Variants in SBF2 observed in about 807,000 individuals in gnomAD.
SBF2 encodes the protein myotubularin-related protein 13.
Under a neutral mutation model 225.2 loss-of-function variants are expected in SBF2, and 112 were observed. The ratio of observed to expected loss-of-function variants is 0.50; its 90% confidence interval spans 0.43 to 0.58. The LOEUF is 0.58. Ranked by LOEUF, SBF2 falls within the 20% of genes least tolerant of loss-of-function variation. SBF2 has a pLI of 0.00. For synonymous variants in SBF2, 763 were observed against 773.3 expected, an observed-to-expected ratio of 0.99 and a Z score of 0.22; for missense variants, 1,996 against 2,206.2, an observed-to-expected ratio of 0.90 and a Z score of 1.91.
rs1459465514 is a variant in SBF2 at position 9,842,673 on chromosome 11, C to T, written c.3208G>A (p.Glu1070Lys). The part of the protein sequence containing the change: ...LLKKKTGTIV[E>K]ERVNRPGWNE... The stretch of plus-strand genomic sequence containing the variant: ...CATCCAGGACGATTTACTCTTTCTT[C>T]CACAATTGTCCCTGTCTTCTTCTTC... Residue 1070 changes from glutamate to lysine, a missense_variant, in exon 25 of 40, where the codon GAA (glutamate) becomes AAA (lysine). Physicochemically the swap from Glu to Lys is moderately conservative, Grantham distance 56. Transcript: ENST00000256190. The T allele has an allele frequency of 6.2e-7, 1 of 1,614,100 alleles. No homozygotes were observed. The highest frequency in any genetic ancestry group is 1.7e-5 in the Admixed American group (1 of 60,028).
chr11:9,981,964 G>A (rs1260130616), intron 13 of SBF2, among the ~76,000 whole-genome samples: 1 of 152,166 alleles, frequency 6.6e-6, no homozygotes, highest in Non-Finnish European at 1.5e-5. Context: ...CTTCACAGCA[G>A]AAGAAATAAG....
intron 2 of SBF2, among the ~76,000 whole-genome samples, chr11:10,060,964 C>T (rs568336910): frequency 2.3e-4 from 35 of 152,152 alleles, no homozygotes; most frequent in African/African-American, 7.7e-4. Flanking sequence ...GAAGGTGGAG[C>T]TTGCAGTAGG....
intron 1 of SBF2, among the ~76,000 whole-genome samples, chr11:10,199,220 G>A (rs1215258230): frequency 6.6e-6 from 1 of 152,172 alleles, no homozygotes; most frequent in Non-Finnish European, 1.5e-5. Context: ...GGCCTGAGGA[G>A]AGGGAGAGAG....
intron 17 of SBF2, among the ~76,000 whole-genome samples, chr11:9,882,722 A>T (rs754107443): frequency 7.1e-6 from 1 of 141,666 alleles, no homozygotes; most frequent in Non-Finnish European, 1.5e-5. Flanking sequence ...CAGGAGAATC[A>T]CTTGTACCCA....
intron 2 of SBF2, among the ~76,000 whole-genome samples, chr11:10,143,701 T>C (rs1319160881): frequency 6.6e-6 from 1 of 152,000 alleles, no homozygotes; most frequent in Non-Finnish European, 1.5e-5. Flanking sequence ...TTTTTAGATA[T>C]TAACAACTGG....
Position 9,968,419 on chromosome 11 carries a change from T to C in SBF2, c.1522A>G (p.Asn508Asp), listed in dbSNP as rs1405170604. The C allele has an allele frequency of 6.2e-7, 1 of 1,614,156 alleles. No individual in the cohort carries two copies. The highest frequency in any genetic ancestry group is 1.1e-5 in the South Asian group (1 of 91,078). Residue 508 changes from asparagine (N) to aspartate (D), a missense_variant, in exon 14 of 40, where the codon AAT (asparagine) becomes GAT (aspartate). Coordinates refer to ENST00000256190, the MANE Select transcript of SBF2 (RefSeq NM_030962.4). ...GGTGCATTCTGGTTCTTAGCAACATTTTCCTGTATTAATTCCTGAACCCGG... is the reference window on the plus strand; with the variant it reads ...GGTGCATTCTGGTTCTTAGCAACATCTTCCTGTATTAATTCCTGAACCCGG... ...EARVQELIQE[N>D]VAKNQNAPPA...
At chr11:10,234,733 TA>T (rs1274116611) in intron 1 of SBF2, among the ~76,000 whole-genome samples, 67 of 152,342 alleles carry the variant, frequency 4.4e-4, no homozygotes, top group African/African-American at 1.6e-3. Flanking sequence ...GGTCACAACT[TA>T]AATGTCGTCT....
chr11:9,883,819 AC>A (rs1860028756), intron 17 of SBF2, among the ~76,000 whole-genome samples: 1 of 152,028 alleles, frequency 6.6e-6, no homozygotes. Context: ...AGCTTTTAGA[AC>A]CCTAAACTTA....
intron 17 of SBF2, among the ~76,000 whole-genome samples, chr11:9,876,476 A>G (rs1859249640): frequency 6.6e-6 from 1 of 152,104 alleles, no homozygotes; most frequent in Non-Finnish European, 1.5e-5. Flanking sequence ...GCCCTGATCC[A>G]ACAGGATTAG....
chr11:9,782,973 T>C (rs1051618735), intron 38 of SBF2: 3 of 152,136 alleles, frequency 2.0e-5, no homozygotes, highest in Non-Finnish European at 4.4e-5. Context: ...CTAGTATACA[T>C]GGCAAGAAAG....
intron 15 of SBF2, among the ~76,000 whole-genome samples, 176 bp from the exon 16 acceptor site, chr11:9,962,282 G>A (rs1043521022): frequency 6.6e-6 from 1 of 152,128 alleles, no homozygotes; most frequent in African/African-American, 2.4e-5. Flanking sequence ...AAATAGATTT[G>A]TGGTTATTTT....
chr11:9,888,797 G>T (rs987565905), intron 17 of SBF2, among the ~76,000 whole-genome samples: 3 of 152,202 alleles, frequency 2.0e-5, no homozygotes, highest in African/African-American at 7.2e-5. Context: ...TTTGAAATCA[G>T]ACAGAATTGA....
chr11:10,066,344 C>CTATA (rs568742709), intron 2 of SBF2, among the ~76,000 whole-genome samples: 1 of 149,762 alleles, frequency 6.7e-6, no homozygotes, highest in African/African-American at 2.5e-5. Flanking sequence ...ATATCTATAT[C>CTATA]TATATATATA....
At chr11:9,829,293 C>T in intron 28 of SBF2, 63 bp downstream of exon 28, 1 of 1,544,256 alleles carries the variant, frequency 6.5e-7, no homozygotes, top group Non-Finnish European at 8.9e-7. Flanking sequence ...TACAAATAAC[C>T]CTAGGAACAG....
At chr11:9,796,914 A>AGACT (rs1853161497) in intron 32 of SBF2, among the ~76,000 whole-genome samples, 1 of 152,216 alleles carries the variant, frequency 6.6e-6, no homozygotes, top group South Asian at 2.1e-4. Flanking sequence ...AACCGTATAC[A>AGACT]GACTGTGGAG....
rs769777008 is a variant in SBF2, at chr11:9,832,311, T to C, written c.3565A>G (p.Arg1189Gly). Reference sequence around the variant, plus strand: ...GATCGGAGGAGCAGAGTACCACTTCTTGAGTTCTTCCAACATACAACAGGC... The same window carrying C: ...GATCGGAGGAGCAGAGTACCACTTCCTGAGTTCTTCCAACATACAACAGGC... The part of the protein sequence containing the change: ...RLPVVCWKNS[R>G]SGTLLLRSGG... The change falls in exon 27 of 40, where the codon AGA (arginine) becomes GGA (glycine). Residue 1189 changes from arginine to glycine, a missense_variant. By Grantham distance (125) the Arg-to-Gly change is moderately radical. Coordinates refer to ENST00000256190, the MANE Select transcript of SBF2 (RefSeq NM_030962.4). 7 of 1,614,146 alleles carry C rather than the reference T, an allele frequency of 4.3e-6. No homozygotes were observed. The South Asian group carries it at 7.7e-5, about 18-fold the overall frequency.
intron 6 of SBF2, among the ~76,000 whole-genome samples, chr11:10,005,025 T>C (rs955965927): frequency 6.6e-6 from 1 of 152,070 alleles, no homozygotes; most frequent in Non-Finnish European, 1.5e-5. Flanking sequence ...CCACCAGGAA[T>C]GTCAGGCAAC....
At chr11:10,247,369 C>T (rs1256940873) in intron 1 of SBF2, among the ~76,000 whole-genome samples, 1 of 151,870 alleles carries the variant, frequency 6.6e-6, no homozygotes, top group Non-Finnish European at 1.5e-5. Flanking sequence ...CTGTCATTCA[C>T]CACAATTTAG....
At chr11:10,069,525 T>G (rs751789358) in intron 2 of SBF2, among the ~76,000 whole-genome samples, 17 of 152,192 alleles carry the variant, frequency 1.1e-4, no homozygotes, top group Non-Finnish European at 2.1e-4. Context: ...TTCTATGGTG[T>G]ATATGTGCCA....
Sources: allele counts gnomAD v4.1 joint callset (sites outside exome capture counted in the v4.1 genomes callset), GRCh38; gene constraint gnomAD v4.1.1; transcripts MANE v1.5; gene names NCBI Gene and HGNC (gene_info 2026-07-23, HGNC 2026-07-21).